The following DEGS1 variants were observed in gnomAD, a reference collection of about 807,000 sequenced individuals.
DEGS1 encodes the protein sphingolipid delta(4)-desaturase DES1.
Under a neutral mutation model 24.1 loss-of-function variants are expected in DEGS1, and 17 were observed. The observed-to-expected ratio is 0.70, with a 90% confidence interval of 0.48 to 1.06. The LOEUF (loss-of-function observed/expected upper bound fraction) is 1.06. DEGS1 is among the 50% of genes least tolerant of loss of function. The pLI is 0.00. For synonymous variants in DEGS1, 134 were observed against 140.0 expected, an observed-to-expected ratio of 0.96 and a Z score of 0.30; for missense variants, 366 against 408.9, an observed-to-expected ratio of 0.90 and a Z score of 0.91.
intron 1 of DEGS1, among the ~76,000 whole-genome samples, chr1:224,187,136 C>T (rs201170744): frequency 7.7e-4 from 117 of 152,010 alleles, no homozygotes; most frequent in African/African-American, 2.6e-3. Context: ...GGTGAAACCC[C>T]GTCTCTACTA....
chr1:224,192,194 T>C, intron 2 of DEGS1, 138 bp from the exon 3 acceptor site: 2 of 610,440 alleles, frequency 3.3e-6, no homozygotes, highest in Non-Finnish European at 5.2e-6. Context: ...GCTGCTGCTT[T>C]TTTTTTTTTT....
chr1:224,189,996 C>T lies in DEGS1; in HGVS notation c.502C>T (p.Leu168Phe), dbSNP rs753102484. The T allele has an allele frequency of 1.9e-6, 3 of 1,614,216 alleles. No homozygotes were observed. In the East Asian group the frequency reaches 6.7e-5, roughly 36 times the overall value. The change falls in exon 2 of 3, where the codon CTC becomes TTC. Residue 168 changes from leucine (L) to phenylalanine (F), a missense_variant. Transcript: ENST00000323699. ...GTTTATATGGGTTATTCTTCAGCCT[C>T]TCTTTTATGCCTTTCGACCTCTGTT... ...RKFIWVILQP[L>F]FYAFRPLFIN...
At chr1:224,183,598 G>A (rs1178769756) in intron 1 of DEGS1, 180 bp downstream of exon 1, 13 of 395,262 alleles carry the variant, frequency 3.3e-5, no homozygotes, top group African/African-American at 4.2e-5. Flanking sequence ...GAGGCTGGGC[G>A]AGGAGCGGGG....
chr1:224,189,030 C>T (rs1658464621), intron 1 of DEGS1, among the ~76,000 whole-genome samples: 1 of 152,096 alleles, frequency 6.6e-6, no homozygotes. Flanking sequence ...CTGTTGATAA[C>T]AAGTCGGTCT....
At chr1:224,190,737 GT>G (rs928279871) in intron 2 of DEGS1, among the ~76,000 whole-genome samples, 1 of 151,788 alleles carries the variant, frequency 6.6e-6, no homozygotes, top group Non-Finnish European at 1.5e-5. Flanking sequence ...TTAACTTTAT[GT>G]TTTTTTAGAG....
Position 224,189,874 on chromosome 1 carries a change from A to G in DEGS1, c.380A>G (p.Tyr127Cys). The G allele has an allele frequency of 6.2e-7, 1 of 1,614,210 alleles. No homozygotes were observed. The highest frequency in any genetic ancestry group is 8.5e-7 in the Non-Finnish European group (1 of 1,180,040). The change falls in exon 2 of 3, where the codon TAT becomes TGT. Residue 127 changes from tyrosine (Y) to cysteine (C), a missense_variant. By Grantham distance (194) the Tyr-to-Cys change is radical. Coordinates refer to ENST00000323699, the MANE Select transcript of DEGS1 (RefSeq NM_003676.4). ...GIPYSISFKR[Y>C]HMDHHRYLGA... is the part of the protein sequence containing the mutation. ...CCATATTCAATTTCCTTTAAGAGGT[A>G]TCACATGGATCATCATCGGTACCTT...
rs769014103 is a variant in DEGS1 at position 224,183,357 on chromosome 1, G to A, written c.21G>A (p.Arg7=). Residue 7 remains arginine, a synonymous_variant, in exon 1 of 3, where the codon CGG becomes CGA. Coordinates refer to ENST00000323699, the MANE Select transcript of DEGS1 (RefSeq NM_003676.4). MGSRVS[R]EDFEWVYTDQ... ...TCGCCATGGGGAGCCGCGTCTCGCG[G>A]GAAGACTTCGAGTGGGTCTACACCG... is the stretch of plus-strand genomic sequence containing the variant. 2.0e-6 allele frequency: 3 copies of A among 1,479,888 alleles called. No homozygotes were observed. The highest frequency in any genetic ancestry group is 1.5e-5 in the African/African-American group (1 of 68,240). 91.7% of individuals were successfully genotyped at this position (1,479,888 alleles called of 1,614,324 possible).
chr1:224,185,814 A>G (rs765320556), intron 1 of DEGS1, among the ~76,000 whole-genome samples: 5 of 152,224 alleles, frequency 3.3e-5, no homozygotes, highest in Non-Finnish European at 7.3e-5. Context: ...TATTTTATCA[A>G]TGCCTTATCT....
chr1:224,184,622 C>T (rs897927102), intron 1 of DEGS1, among the ~76,000 whole-genome samples: 8 of 152,148 alleles, frequency 5.3e-5, no homozygotes, highest in African/African-American at 1.9e-4. Flanking sequence ...AGCGATTCTT[C>T]TGTCTCAGCC....
intron 2 of DEGS1, chr1:224,191,221 C>T (rs1658527288): frequency 6.6e-6 from 1 of 151,874 alleles, no homozygotes. Context: ...AAGCCTGTCT[C>T]TACTAAAAAT....
At chr1:224,190,780 T>C (rs1368095065) in intron 2 of DEGS1, among the ~76,000 whole-genome samples, 1 of 152,052 alleles carries the variant, frequency 6.6e-6, no homozygotes, top group Non-Finnish European at 1.5e-5. Context: ...TAGTCTAGAG[T>C]GCAGTGGTAC....
chr1:224,186,955 A>G (rs1658411103), intron 1 of DEGS1, among the ~76,000 whole-genome samples: 1 of 152,112 alleles, frequency 6.6e-6, no homozygotes, highest in African/African-American at 2.4e-5. Context: ...ACAATTGTAC[A>G]CTTTAAGTTT....
In DEGS1 at chr1:224,189,726, A is replaced by G. The variant is rs1332062632; in HGVS notation, c.232A>G (p.Ser78Gly). Residue 78 changes from serine (S) to glycine (G), a missense_variant, in exon 2 of 3, where the codon AGT becomes GGT. Ser to Gly is a moderately conservative substitution (Grantham distance 56). Transcript: ENST00000323699. ...WVIFGAYAFG[S>G]CINHSMTLAI... ...CATATTTGGGGCCTATGCGTTTGGC[A>G]GTTGCATTAACCACTCAATGACTCT... The G allele has an allele frequency of 1.2e-6, 2 of 1,614,224 alleles. No homozygotes were observed. Among genetic ancestry groups the G allele is most frequent in the Non-Finnish European group, 1.7e-6 (2 of 1,180,048 alleles).
rs190548774 is a variant in DEGS1, at chr1:224,186,510, G to A, written c.83-3067G>A. Among the ~76,000 whole-genome samples, 601 of 152,056 alleles carry A rather than the reference G, an allele frequency of 4.0e-3. 14 individuals carry two copies. The highest frequency in any genetic ancestry group is 0.035 in the Admixed American group (537 of 15,262). On this transcript the variant is annotated intron_variant, in intron 1 of 2. Transcript: ENST00000323699. ...GGGCGGATCATGAGGTCAGGAGATC[G>A]AGACCATCCTGGCTAACACGGTGAA...
At position 224,183,299 on chromosome 1, in the gene DEGS1, G is replaced by A. The variant is rs1658281496; in HGVS notation, c.-38G>A. 1 of 1,465,662 alleles carries A rather than the reference G, an allele frequency of 6.8e-7. No homozygotes were observed. Among genetic ancestry groups the A allele is most frequent in the Non-Finnish European group, 9.1e-7 (1 of 1,104,886 alleles). 90.8% of individuals were successfully genotyped at this position (1,465,662 alleles called of 1,614,324 possible). ...CACCTCTGAGCAGCCGGCTGGGAGC[G>A]AGAGCCGACAGCTAGTCTGCAAGCC... is the stretch of plus-strand genomic sequence containing the variant. On this transcript the variant is annotated 5_prime_UTR_variant, in exon 1 of 3. Transcript: ENST00000323699.
chr1:224,184,435 C>A (rs1034005793), intron 1 of DEGS1, among the ~76,000 whole-genome samples: 1 of 152,040 alleles, frequency 6.6e-6, no homozygotes, highest in Non-Finnish European at 1.5e-5. Flanking sequence ...AATGCGCATT[C>A]GGTTGCCTCT....
At position 224,192,470 on chromosome 1, in the gene DEGS1, C is replaced by T; in HGVS notation, c.964C>T (p.Leu322=). 6.2e-7 allele frequency: 1 copy of T among 1,607,898 alleles called. No homozygotes were observed. The highest frequency in any genetic ancestry group is 1.7e-5 in the Admixed American group (1 of 58,352). ...GAGGCACCAAAAAGGAGAGATGGTGCTGGAGTAAATATCATTAGTGCCAAA... is the reference window on the plus strand; with the variant it reads ...GAGGCACCAAAAAGGAGAGATGGTGTTGGAGTAAATATCATTAGTGCCAAA... The part of the protein sequence containing the change: ...MKRHQKGEMV[L]E Residue 322 remains leucine, a synonymous_variant, in exon 3 of 3, where the codon CTG becomes TTG. Coordinates refer to ENST00000323699, the MANE Select transcript of DEGS1 (RefSeq NM_003676.4).
At chr1:224,183,667 C>A in intron 1 of DEGS1, 1 of 312,074 alleles carries the variant, frequency 3.2e-6, no homozygotes, top group Non-Finnish European at 5.8e-6. Flanking sequence ...GGCGCAGGCG[C>A]GTCCCCGAGC....
chr1:224,192,657 G>A lies in DEGS1; in HGVS notation c.*179G>A. ...TAAACAGTCAGCCTGACTCTGTACT[G>A]CTCAGTTTCACTCACAGGAAACTTG... On this transcript the variant is annotated 3_prime_UTR_variant, in exon 3 of 3. Coordinates refer to ENST00000323699, the MANE Select transcript of DEGS1 (RefSeq NM_003676.4). The A allele has an allele frequency of 1.8e-6, 1 of 563,288 alleles. No homozygotes were observed. The highest frequency in any genetic ancestry group is 3.0e-6 in the Non-Finnish European group (1 of 329,230). 34.9% of individuals were successfully genotyped at this position (563,288 alleles called of 1,614,324 possible).
Sources: allele counts gnomAD v4.1 joint callset (sites outside exome capture counted in the v4.1 genomes callset), GRCh38; gene constraint gnomAD v4.1.1; transcripts MANE v1.5; gene names NCBI Gene and HGNC (gene_info 2026-07-23, HGNC 2026-07-21).